TTC6: variants seen among roughly 807,000 people sequenced by gnomAD.
TTC6 encodes the protein tetratricopeptide repeat domain 6.
In TTC6, 172 loss-of-function variants were observed where a neutral mutation model predicts 210.4. The observed-to-expected ratio is 0.82, with a 90% CI of 0.72 to 0.93. The LOEUF (loss-of-function observed/expected upper bound fraction) is 0.93, where lower values mean the gene tolerates loss of function less well. TTC6 is among the 40% of genes least tolerant of loss of function. TTC6 has a pLI of 0.00. For missense variants in TTC6, 2,414 were observed against 2,318.1 expected (o/e 1.04, Z -0.85); for synonymous variants, 804 against 819.6 (o/e 0.98, Z 0.32).
intron 14 of TTC6, among the ~76,000 whole-genome samples, chr14:37,755,289 G>A (rs1461181630): frequency 6.6e-6 from 1 of 152,122 alleles, no homozygotes; most frequent in South Asian, 2.1e-4. Context: ...ACCTTTGTCA[G>A]ATGAATAGAT....
chr14:37,821,091 G>A (rs536035364), intron 26 of TTC6, among the ~76,000 whole-genome samples: 8 of 145,022 alleles, frequency 5.5e-5, no homozygotes, highest in Middle Eastern at 3.5e-3. Context: ...TTTTTGAGAT[G>A]GAGTCTTACT....
chr14:37,803,364 G>A (rs2096111274), intron 20 of TTC6, among the ~76,000 whole-genome samples: 1 of 152,164 alleles, frequency 6.6e-6, no homozygotes, highest in African/African-American at 2.4e-5. Context: ...TAGCTGCATT[G>A]TTGTACTCTT....
At chr14:37,795,411 G>C (rs1326410717) in intron 18 of TTC6, 59 bp downstream of exon 20, 1 of 1,163,652 alleles carries the variant, frequency 8.6e-7, no homozygotes, top group East Asian at 2.8e-5. Flanking sequence ...AAATTGAATG[G>C]GGATCTTCAG....
At chr14:37,816,952 A>G (rs966104993) in intron 25 of TTC6, among the ~76,000 whole-genome samples, 2 of 152,060 alleles carry the variant, frequency 1.3e-5, no homozygotes, top group Admixed American at 1.3e-4. Flanking sequence ...GCCTCTTCCT[A>G]GGGGCCACTG....
At chr14:37,696,648 A>C (rs2095815396) in intron 3 of TTC6, 69 bp from the exon 6 acceptor site, 2 of 706,180 alleles carry the variant, frequency 2.8e-6, no homozygotes, top group African/African-American at 3.7e-5. Flanking sequence ...TGACTCGCTA[A>C]ATATGAGAGA....
rs1217299235 is a variant in TTC6 at position 37,651,407 on chromosome 14, ATATATATATATATATATATTTTTTTTTT to A, written c.939+28406_939+28433del. ...TTATGTTATATATATATATATATAT[ATATATATATATATATATATTTTTTTTTT>A]TTTTTTTTTTTTTTTTTTCCATCCA... On this transcript the variant is annotated intron_variant, in intron 1 of 30. Transcript: ENST00000553443. 6.4e-3 allele frequency among the ~76,000 whole-genome samples: 107 copies of A among 16,844 alleles called. 3 individuals are homozygous for A. The South Asian group carries it at 0.066, about 10-fold the overall frequency. The allele number at this position is 16,844 out of a possible 152,430, so 11.1% of individuals were successfully genotyped here. A position where few individuals can be genotyped will look rare whatever the true frequency, so the allele number is the denominator to read the frequency against.
intron 20 of TTC6, among the ~76,000 whole-genome samples, chr14:37,800,047 G>A (rs1338800812): frequency 6.6e-6 from 1 of 152,174 alleles, no homozygotes; most frequent in Non-Finnish European, 1.5e-5. Context: ...TACAGATGCA[G>A]TGTTGCTGTA....
At chr14:37,735,884 C>G (rs1479126585) in intron 7 of TTC6, 37 bp from the exon 10 acceptor site, 2 of 1,321,674 alleles carry the variant, frequency 1.5e-6, no homozygotes, top group Admixed American at 2.1e-5. Flanking sequence ...AAAAGTATTC[C>G]AAAACATAAT....
At chr14:37,832,166 T>C (rs1566980319) in intron 29 of TTC6, among the ~76,000 whole-genome samples, 1 of 152,018 alleles carries the variant, frequency 6.6e-6, no homozygotes, top group Non-Finnish European at 1.5e-5. Context: ...GGATACCAAG[T>C]TTTCTCAGTT....
intron 3 of TTC6, among the ~76,000 whole-genome samples, chr14:37,683,887 C>T (rs1272138701): frequency 6.6e-6 from 1 of 151,972 alleles, no homozygotes; most frequent in Non-Finnish European, 1.5e-5. Flanking sequence ...AAAAAACAGA[C>T]CCTTTTCCTT....
At chr14:37,762,375 T>G (rs953973781) in intron 14 of TTC6, among the ~76,000 whole-genome samples, 1 of 152,148 alleles carries the variant, frequency 6.6e-6, no homozygotes, top group Non-Finnish European at 1.5e-5. Flanking sequence ...GGTGACTCTA[T>G]TTTTAGTTTT....
At chr14:37,616,183 G>A (rs1299908252) in intron 2 of TTC6, among the ~76,000 whole-genome samples, 1 of 152,092 alleles carries the variant, frequency 6.6e-6, no homozygotes, top group Admixed American at 6.5e-5. Flanking sequence ...AGACGTGTGG[G>A]GTTTAGATAG....
intron 3 of TTC6, among the ~76,000 whole-genome samples, chr14:37,685,682 C>T (rs2095792311): frequency 6.6e-6 from 1 of 152,092 alleles, no homozygotes; most frequent in African/African-American, 2.4e-5. Flanking sequence ...AACTTAAAGT[C>T]CAAGATTTGT....
intron 14 of TTC6, among the ~76,000 whole-genome samples, chr14:37,768,849 G>T (rs979256310): frequency 6.6e-6 from 1 of 151,798 alleles, no homozygotes; most frequent in Non-Finnish European, 1.5e-5. Flanking sequence ...TTGAATAGGA[G>T]TGGTGAGAAA....
intron 1 of TTC6, among the ~76,000 whole-genome samples, chr14:37,640,094 ATTC>A (rs909229207): frequency 7.2e-5 from 11 of 152,190 alleles, no homozygotes; most frequent in Admixed American, 1.3e-4. Context: ...AAATAAACTT[ATTC>A]TTTGTTGGAT....
chr14:37,780,516 C>T (rs1192041141), intron 14 of TTC6, among the ~76,000 whole-genome samples: 1 of 152,148 alleles, frequency 6.6e-6, no homozygotes, highest in Non-Finnish European at 1.5e-5. Context: ...TTTTCTGTTC[C>T]TGTGTTAGTT....
At chr14:37,805,613 C>T (rs965868907) in intron 21 of TTC6, among the ~76,000 whole-genome samples, 9 of 152,054 alleles carry the variant, frequency 5.9e-5, no homozygotes, top group Non-Finnish European at 1.3e-4. Flanking sequence ...GTTTTTAGTC[C>T]TTTTGAACAA....
chr14:37,683,073 G>T (rs2095787476), intron 3 of TTC6, 109 bp downstream of exon 5: 2 of 892,104 alleles, frequency 2.2e-6, no homozygotes, highest in East Asian at 5.3e-5. Flanking sequence ...GGGGGCGGGG[G>T]TGATGGTGTG....
At chr14:37,842,423 A>G (rs929190238) in exon 31 of TTC6, 3 of 713,008 alleles carry the variant, frequency 4.2e-6, no homozygotes, top group Admixed American at 3.8e-5. Context: ...ATAACCTTCT[A>G]TGCATTTTAA....
Sources: allele counts gnomAD v4.1 joint callset (sites outside exome capture counted in the v4.1 genomes callset), GRCh38; gene constraint gnomAD v4.1.1; transcripts MANE v1.5; gene names NCBI Gene and HGNC (gene_info 2026-07-23, HGNC 2026-07-21).